Variants in POC1B observed in about 807,000 individuals in gnomAD.
The protein encoded by POC1B is POC1 centriolar protein homolog B.
A neutral mutation model predicts 60.6 loss-of-function variants in POC1B; 44 were observed. The observed-to-expected ratio is 0.73, with a 90% CI of 0.57 to 0.93. POC1B has a LOEUF of 0.93. Ranked by LOEUF, POC1B falls within the 40% of genes least tolerant of loss-of-function variation. POC1B has a pLI of 0.00. For missense variants in POC1B, 555 were observed against 572.3 expected (o/e 0.97, Z 0.31); for synonymous variants, 180 against 198.9 (o/e 0.90, Z 0.80).
the POC1B span, among the ~76,000 whole-genome samples, chr12:89,408,168 G>A: frequency 1.3e-5 from 2 of 152,164 alleles, no homozygotes. Context: ...AGTATTCCAT[G>A]GTGTATATGT....
intron 2 of POC1B, among the ~76,000 whole-genome samples, chr12:89,515,138 A>C (rs1870385357): frequency 6.6e-6 from 1 of 152,096 alleles, no homozygotes; most frequent in South Asian, 2.1e-4. Context: ...TTCAACTCTG[A>C]GCATTATGAA....
intron 2 of POC1B, chr12:89,501,775 CA>C: frequency 1.0e-6 from 1 of 991,102 alleles, no homozygotes. Flanking sequence ...CAACAGTAGG[CA>C]AAAATCTGCT....
intron 10 of POC1B, among the ~76,000 whole-genome samples, chr12:89,438,924 G>A (rs546076605): frequency 9.2e-5 from 14 of 152,264 alleles, no homozygotes; most frequent in African/African-American, 2.6e-4. Flanking sequence ...TGTCCAAACC[G>A]GAACTTGAAA....
chr12:89,500,712 T>C (rs995078202), intron 2 of POC1B: 8 of 1,349,842 alleles, frequency 5.9e-6, no homozygotes, highest in Non-Finnish European at 8.3e-6. Context: ...AAAAAAAGAT[T>C]AAACTTTGAA....
intron 3 of POC1B, among the ~76,000 whole-genome samples, chr12:89,494,678 G>A (rs1239861605): frequency 2.0e-5 from 3 of 152,092 alleles, no homozygotes; most frequent in African/African-American, 7.2e-5. Flanking sequence ...TGCAAGTTTT[G>A]GGCCTAGTTC....
chr12:89,448,256 A>G (rs1881875849), intron 10 of POC1B, among the ~76,000 whole-genome samples: 1 of 152,146 alleles, frequency 6.6e-6, no homozygotes, highest in Admixed American at 6.5e-5. Flanking sequence ...CCTGGACAAC[A>G]TGGCGAGACC....
the POC1B span, among the ~76,000 whole-genome samples, chr12:89,412,812 T>G: frequency 1.2e-5 from 1 of 84,768 alleles, no homozygotes; most frequent in Non-Finnish European, 2.4e-5. Flanking sequence ...CACATGTTCC[T>G]TCCTTCCTTC....
intron 10 of POC1B, among the ~76,000 whole-genome samples, chr12:89,447,954 G>C (rs1279083984): frequency 1.3e-5 from 2 of 151,838 alleles, no homozygotes; most frequent in South Asian, 4.2e-4. Flanking sequence ...GGACCTCCTG[G>C]AACTATAGAT....
chr12:89,422,784 G>A (rs1455941781), intron 11 of POC1B, among the ~76,000 whole-genome samples: 1 of 152,078 alleles, frequency 6.6e-6, no homozygotes, highest in Non-Finnish European at 1.5e-5. Context: ...AGTTCATACA[G>A]GAAAGGCATG....
chr12:89,438,443 C>T (rs1347447210), intron 10 of POC1B, among the ~76,000 whole-genome samples: 10 of 152,186 alleles, frequency 6.6e-5, no homozygotes, highest in Admixed American at 3.3e-4. Flanking sequence ...GGTGAAAGAG[C>T]GAGACTCCGT....
At chr12:89,493,840 AAC>A (rs1428425694) in intron 3 of POC1B, among the ~76,000 whole-genome samples, 1 of 152,208 alleles carries the variant, frequency 6.6e-6, no homozygotes, top group African/African-American at 2.4e-5. Context: ...CTCAACAGGA[AAC>A]ACAGAAGAAA....
At chr12:89,438,180 G>A (rs1283987366) in intron 10 of POC1B, among the ~76,000 whole-genome samples, 4 of 151,524 alleles carry the variant, frequency 2.6e-5, no homozygotes, top group Non-Finnish European at 5.9e-5. Flanking sequence ...TCTTCAGGCC[G>A]GGCGCGGTGG....
At chr12:89,484,922 ACTAT>A (rs766976936) in intron 4 of POC1B, among the ~76,000 whole-genome samples, 9 of 152,122 alleles carry the variant, frequency 5.9e-5, no homozygotes, top group Non-Finnish European at 1.3e-4. Flanking sequence ...ACCTGAGAAA[ACTAT>A]CTAACAAGAT....
At chr12:89,410,067 G>T in the POC1B span, among the ~76,000 whole-genome samples, 1 of 152,140 alleles carries the variant, frequency 6.6e-6, no homozygotes, top group Admixed American at 6.6e-5. Flanking sequence ...TAAAATACTG[G>T]CAAACTGAAT....
intron 4 of POC1B, among the ~76,000 whole-genome samples, chr12:89,489,920 T>G (rs1386041288): frequency 2.6e-5 from 4 of 152,188 alleles, no homozygotes; most frequent in Non-Finnish European, 5.9e-5. Context: ...AGGCAAGGGA[T>G]GGGCACAGGC....
rs561070474 is a variant in POC1B at position 89,488,645 on chromosome 12, C to T, written c.452+3291G>A. ...GGGATTACAGGCACCTGCCACCACG[C>T]CCAGCTAATTTTTGTATTTTTAGTA... is the stretch of plus-strand genomic sequence containing the variant. On this transcript the variant is annotated intron_variant, in intron 4 of 11. Transcript: ENST00000313546. 6.2e-4 allele frequency among the ~76,000 whole-genome samples: 95 copies of T among 152,144 alleles called. 1 individual carries two copies. The highest frequency in any genetic ancestry group is 1.7e-3 in the African/African-American group (72 of 41,492).
At chr12:89,454,389 A>G (rs1047880960) in intron 10 of POC1B, among the ~76,000 whole-genome samples, 1 of 152,070 alleles carries the variant, frequency 6.6e-6, no homozygotes, top group Non-Finnish European at 1.5e-5. Flanking sequence ...CCGTCTGAGT[A>G]TTTCATTAGC....
At chr12:89,502,751 G>C in intron 2 of POC1B, 2 of 1,354,490 alleles carry the variant, frequency 1.5e-6, no homozygotes, top group South Asian at 1.3e-5. Flanking sequence ...AGAAGAAAAG[G>C]GAAAGCAGCA....
intron 4 of POC1B, among the ~76,000 whole-genome samples, chr12:89,480,153 T>A (rs1181897790): frequency 2.0e-5 from 3 of 152,028 alleles, no homozygotes; most frequent in African/African-American, 7.2e-5. Context: ...TTTTTTTTTT[T>A]TGAGACAAGG....
Sources: allele counts gnomAD v4.1 joint callset (sites outside exome capture counted in the v4.1 genomes callset), GRCh38; gene constraint gnomAD v4.1.1; transcripts MANE v1.5; gene names NCBI Gene and HGNC (gene_info 2026-07-23, HGNC 2026-07-21).